Variants in RASGEF1C observed in about 807,000 individuals in gnomAD.
RASGEF1C encodes RasGEF domain family member 1C, also known as ras-GEF domain-containing family member 1C.
Under a neutral mutation model 58.1 loss-of-function variants are expected in RASGEF1C, and 27 were observed. The ratio of observed to expected loss-of-function variants is 0.46; its 90% CI spans 0.34 to 0.64. The LOEUF (loss-of-function observed/expected upper bound fraction) is 0.64, where lower values mean the gene tolerates loss of function less well. Ranked by LOEUF, RASGEF1C falls within the 30% of genes least tolerant of loss-of-function variation. RASGEF1C has a pLI of 0.01. For missense variants in RASGEF1C, 502 were observed against 605.1 expected, an observed-to-expected ratio of 0.83 and a Z score of 1.79; for synonymous variants, 243 against 246.3, an observed-to-expected ratio of 0.99 and a Z score of 0.13.
chr5:180,126,727 C>A (rs1476536511), intron 6 of RASGEF1C, among the ~76,000 whole-genome samples: 1 of 152,178 alleles, frequency 6.6e-6, no homozygotes, highest in Non-Finnish European at 1.5e-5. Context: ...AGGCAATCTG[C>A]CCCCAGTGTT....
intron 1 of RASGEF1C, among the ~76,000 whole-genome samples, chr5:180,163,204 G>T (rs1766969671): frequency 7.5e-6 from 1 of 133,130 alleles, no homozygotes. Context: ...CAATCTGTAG[G>T]CTTCCCTTCC....
At chr5:180,157,627 C>CA (rs71001077) in intron 1 of RASGEF1C, among the ~76,000 whole-genome samples, 55,637 of 131,026 alleles carry the variant, frequency 0.42, 11,321 homozygotes, top group East Asian at 0.65. Context: ...AACTCCGTCT[C>CA]AAAAAAAAAA....
intron 1 of RASGEF1C, among the ~76,000 whole-genome samples, chr5:180,206,932 G>T (rs764623416): frequency 9.2e-5 from 14 of 152,222 alleles, no homozygotes; most frequent in Admixed American, 2.0e-4. Flanking sequence ...GCTCCCAATG[G>T]TGTGGGAACA....
At chr5:180,206,859 G>A (rs2127565211) in intron 1 of RASGEF1C, among the ~76,000 whole-genome samples, 1 of 152,286 alleles carries the variant, frequency 6.6e-6, no homozygotes, top group East Asian at 1.9e-4. Context: ...TTGTGATAAT[G>A]CTTAAATGAC....
At chr5:180,125,563 A>AC (rs1303576346) in intron 6 of RASGEF1C, among the ~76,000 whole-genome samples, 1 of 152,144 alleles carries the variant, frequency 6.6e-6, no homozygotes, top group Non-Finnish European at 1.5e-5. Context: ...CGGGTGGATC[A>AC]CCTGAGGTCG....
intron 1 of RASGEF1C, among the ~76,000 whole-genome samples, chr5:180,193,000 C>A (rs140515896): frequency 2.0e-5 from 3 of 151,940 alleles, no homozygotes; most frequent in African/African-American, 7.2e-5. Context: ...CCCACCTTGG[C>A]CTCCCAAAGT....
intron 1 of RASGEF1C, among the ~76,000 whole-genome samples, chr5:180,152,691 T>C (rs1306661515): frequency 6.6e-6 from 1 of 150,806 alleles, no homozygotes; most frequent in Non-Finnish European, 1.5e-5. Context: ...TATGCACATG[T>C]ACCCTAGAAC....
At chr5:180,194,139 T>C (rs1756220710) in intron 1 of RASGEF1C, among the ~76,000 whole-genome samples, 1 of 152,166 alleles carries the variant, frequency 6.6e-6, no homozygotes, top group Admixed American at 6.5e-5. Flanking sequence ...GCAGGACCAC[T>C]GGGCCTTCCT....
chr5:180,104,629 CT>C (rs1337068896), intron 12 of RASGEF1C, among the ~76,000 whole-genome samples: 5 of 152,202 alleles, frequency 3.3e-5, no homozygotes, highest in Non-Finnish European at 5.9e-5. Flanking sequence ...TCCTCTGCCA[CT>C]TTCTGGAAGA....
rs1471416476 is a variant in RASGEF1C at position 180,156,404 on chromosome 5, G to A, written c.-6-18346C>T. Among the ~76,000 whole-genome samples, 2 of 152,208 alleles carry A rather than the reference G, an allele frequency of 1.3e-5. No individual in the cohort carries two copies. Among genetic ancestry groups the A allele is most frequent in the Non-Finnish European group, 2.9e-5 (2 of 68,040 alleles). On this transcript the variant is annotated intron_variant, in intron 1 of 13. Coordinates refer to ENST00000361132, the MANE Select transcript of RASGEF1C (RefSeq NM_175062.4). This position sits in a 1 kb window ranked among gnomAD's most constrained non-coding sequence, Gnocchi z 4.9. The stretch of plus-strand genomic sequence containing the variant: ...GGAGTCTTCGGAAACACTGGGCTCA[G>A]CACAGTTGGTGCCTGGCAGGGCCGA...
intron 1 of RASGEF1C, among the ~76,000 whole-genome samples, chr5:180,149,078 C>CTTTTTTTTTTTTT (rs1281032542): frequency 1.0e-5 from 1 of 97,152 alleles, no homozygotes; most frequent in African/African-American, 3.7e-5. Context: ...TTTTTCTTTT[C>CTTTTTTTTTTTTT]TTTTTTTTTC....
chr5:180,162,722 A>G (rs1016992172), intron 1 of RASGEF1C, among the ~76,000 whole-genome samples: 1 of 152,198 alleles, frequency 6.6e-6, no homozygotes, highest in Non-Finnish European at 1.5e-5. Flanking sequence ...TTGCCTTTCT[A>G]TATACATTTT....
At chr5:180,165,981 C>T (rs1363934802) in intron 1 of RASGEF1C, among the ~76,000 whole-genome samples, 1 of 151,808 alleles carries the variant, frequency 6.6e-6, no homozygotes, top group Non-Finnish European at 1.5e-5. Context: ...GATCTCCTGA[C>T]CTCGTGATCT....
intron 1 of RASGEF1C, among the ~76,000 whole-genome samples, chr5:180,141,422 G>A (rs1354707273): frequency 6.6e-6 from 1 of 152,234 alleles, no homozygotes; most frequent in Non-Finnish European, 1.5e-5. Context: ...CAACACGGAT[G>A]ACCTTGAGGA....
At chr5:180,203,942 G>A (rs1199042344) in intron 1 of RASGEF1C, among the ~76,000 whole-genome samples, 1 of 152,066 alleles carries the variant, frequency 6.6e-6, no homozygotes, top group African/African-American at 2.4e-5. Flanking sequence ...GGAGTGAGCC[G>A]AGATCATGCC....
At chr5:180,171,768 C>T (rs1767112112) in intron 1 of RASGEF1C, among the ~76,000 whole-genome samples, 1 of 152,248 alleles carries the variant, frequency 6.6e-6, no homozygotes. Flanking sequence ...AAAATAAATG[C>T]TTTGTTTTCT....
At position 180,205,215 on chromosome 5, in the gene RASGEF1C, C is replaced by CA. The variant is rs988332344; in HGVS notation, c.-7+3812dup. Among the ~76,000 whole-genome samples, 171 of 148,708 alleles carry CA rather than the reference C, an allele frequency of 1.1e-3. 1 individual carries two copies. Among genetic ancestry groups the CA allele is most frequent in the Middle Eastern group, 6.8e-3 (2 of 294 alleles). ...AAATAAATAAATAAATAAATAAAAA[C>CA]AAAAAAAAAGACTAACAATAAAACT... On this transcript the variant is annotated intron_variant, in intron 1 of 13. Transcript: ENST00000361132.
chr5:180,120,035 G>T (rs560820003), intron 7 of RASGEF1C, among the ~76,000 whole-genome samples: 2 of 152,134 alleles, frequency 1.3e-5, no homozygotes, highest in Non-Finnish European at 2.9e-5. Flanking sequence ...GCCCAGGCTC[G>T]GCCCTCTCGC....
At chr5:180,179,591 C>A (rs1767288881) in intron 1 of RASGEF1C, among the ~76,000 whole-genome samples, 1 of 152,188 alleles carries the variant, frequency 6.6e-6, no homozygotes, top group Non-Finnish European at 1.5e-5. Flanking sequence ...ATCAATACAG[C>A]AGCTGCCAGG....
Sources: allele counts gnomAD v4.1 joint callset (sites outside exome capture counted in the v4.1 genomes callset), GRCh38; gene constraint gnomAD v4.1.1; non-coding constraint Gnocchi (gnomAD v3.1); transcripts MANE v1.5; gene names NCBI Gene and HGNC (gene_info 2026-07-23, HGNC 2026-07-21).